Variants in UBE2R2 observed in about 807,000 individuals in gnomAD.
UBE2R2 encodes the protein ubiquitin conjugating enzyme E2 R2.
Under a neutral mutation model 27.8 loss-of-function variants are expected in UBE2R2, and 1 was observed. That is an observed-to-expected ratio of 0.04 (90% CI 0.01 to 0.17). The LOEUF (loss-of-function observed/expected upper bound fraction) is 0.17. Ranked by LOEUF, UBE2R2 falls within the 10% of genes least tolerant of loss-of-function variation. The pLI, the probability that UBE2R2 is intolerant of heterozygous loss-of-function variation, is 1.00. For synonymous variants in UBE2R2, 106 were observed against 113.3 expected (o/e 0.94, Z 0.41); for missense variants, 100 against 291.0 (o/e 0.34, Z 4.78).
At chr9:33,831,560 G>C (rs1027637025) in intron 1 of UBE2R2, among the ~76,000 whole-genome samples, 1 of 152,120 alleles carries the variant, frequency 6.6e-6, no homozygotes, top group Non-Finnish European at 1.5e-5. Context: ...GGGATTATAG[G>C]CATGCATCAC....
intron 3 of UBE2R2, among the ~76,000 whole-genome samples, chr9:33,907,834 TTG>T: frequency 7.2e-6 from 1 of 139,260 alleles, no homozygotes; most frequent in South Asian, 2.6e-4. Context: ...TGTTTTGTTG[TTG>T]TTTTTTTTTA....
chr9:33,850,999 A>G (rs772901227), intron 1 of UBE2R2, among the ~76,000 whole-genome samples: 1 of 152,220 alleles, frequency 6.6e-6, no homozygotes. Context: ...CTTCTCATTA[A>G]TACTTCTTAA....
intron 1 of UBE2R2, among the ~76,000 whole-genome samples, chr9:33,872,596 G>A (rs565025354): frequency 6.6e-6 from 1 of 152,140 alleles, no homozygotes; most frequent in East Asian, 1.9e-4. Context: ...AGACCAACCT[G>A]ACCAACATGG....
chr9:33,884,976 G>A (rs752275493), intron 1 of UBE2R2, among the ~76,000 whole-genome samples: 1 of 152,158 alleles, frequency 6.6e-6, no homozygotes, highest in Non-Finnish European at 1.5e-5. Flanking sequence ...TTATTGTTAT[G>A]TGTGGCCAGT....
chr9:33,913,565 A>AC (rs1273242374), intron 4 of UBE2R2, among the ~76,000 whole-genome samples: 1 of 151,766 alleles, frequency 6.6e-6, no homozygotes, highest in Non-Finnish European at 1.5e-5. Context: ...CCTGGCCTCC[A>AC]CCCCCCTTGA....
chr9:33,884,645 T>C (rs1328192805), intron 1 of UBE2R2, among the ~76,000 whole-genome samples: 1 of 152,250 alleles, frequency 6.6e-6, no homozygotes, highest in Non-Finnish European at 1.5e-5. Flanking sequence ...ATTCTCATGC[T>C]TTCCTTTAAG....
chr9:33,900,525 C>T (rs1026496008), intron 3 of UBE2R2, among the ~76,000 whole-genome samples: 1 of 152,176 alleles, frequency 6.6e-6, no homozygotes, highest in Non-Finnish European at 1.5e-5. Context: ...AATCCCTACT[C>T]TTAACTTATC....
At chr9:33,852,724 T>A (rs902793373) in intron 1 of UBE2R2, among the ~76,000 whole-genome samples, 2 of 151,980 alleles carry the variant, frequency 1.3e-5, no homozygotes, top group African/African-American at 4.8e-5. Context: ...GTTTTCTTCA[T>A]ATTAACAAGT....
rs541354260 is a variant in UBE2R2 at position 33,817,732 on chromosome 9, GCGCCGC to G, written c.-7_-2del. On this transcript the variant is annotated 5_prime_UTR_variant, in exon 1 of 5. Coordinates refer to ENST00000263228, the MANE Select transcript of UBE2R2 (RefSeq NM_017811.4). ...GCGTGAGGACTGGGGCCCGGGCCCG[GCGCCGC>G]CGCCGCCGCCGCCGCCGCGATGGCC... 589 of 1,488,762 alleles carry G rather than the reference GCGCCGC, an allele frequency of 4.0e-4. 5 individuals carry two copies. In the African/African-American group the frequency reaches 4.2e-3, roughly 11 times the overall value. The allele number at this position is 1,488,762 out of a possible 1,614,324, so 92.2% of individuals were successfully genotyped here.
intron 1 of UBE2R2, among the ~76,000 whole-genome samples, chr9:33,866,013 G>T (rs777528564): frequency 6.6e-6 from 1 of 151,486 alleles, no homozygotes; most frequent in East Asian, 1.9e-4. Flanking sequence ...TGAATTTTTA[G>T]TACAGATGGG....
At chr9:33,861,788 A>G (rs1436730573) in intron 1 of UBE2R2, among the ~76,000 whole-genome samples, 1 of 151,342 alleles carries the variant, frequency 6.6e-6, no homozygotes, top group Admixed American at 6.6e-5. Context: ...AAATCTTTTC[A>G]GTCTGTTGTT....
At chr9:33,864,316 T>C (rs996596980) in intron 1 of UBE2R2, among the ~76,000 whole-genome samples, 25 of 152,122 alleles carry the variant, frequency 1.6e-4, no homozygotes, top group Non-Finnish European at 3.5e-4. Context: ...TTACCCAGGA[T>C]GTCTTATCCT....
At chr9:33,851,159 T>TA (rs1484165544) in intron 1 of UBE2R2, among the ~76,000 whole-genome samples, 7 of 152,210 alleles carry the variant, frequency 4.6e-5, no homozygotes, top group Non-Finnish European at 1.0e-4. Context: ...GCACTCTTTT[T>TA]AAAAACAATT....
At chr9:33,863,386 C>A (rs761078962) in intron 1 of UBE2R2, among the ~76,000 whole-genome samples, 2 of 151,332 alleles carry the variant, frequency 1.3e-5, no homozygotes, top group African/African-American at 2.4e-5. Flanking sequence ...GTGGTGCGTG[C>A]CTGTAATCCC....
In UBE2R2 at chr9:33,917,721, A is replaced by C; in HGVS notation, c.*484A>C. 5.6e-6 allele frequency: 1 copy of C among 179,884 alleles called. No individual in the cohort carries two copies. The highest frequency in any genetic ancestry group is 1.2e-5 in the Non-Finnish European group (1 of 85,940). The allele number at this position is 179,884 out of a possible 1,614,324, so 11.1% of individuals were successfully genotyped here. ...AAACTTTAAAAAAAAAAAAAAACAAATTTGCCAAGGTTTAGCTGCTCATTT... is the reference window on the plus strand; with the variant it reads ...AAACTTTAAAAAAAAAAAAAAACAACTTTGCCAAGGTTTAGCTGCTCATTT... On this transcript the variant is annotated 3_prime_UTR_variant, in exon 5 of 5. Transcript: ENST00000263228.
intron 1 of UBE2R2, among the ~76,000 whole-genome samples, chr9:33,826,712 C>CA (rs1370584545): frequency 6.1e-5 from 9 of 148,126 alleles, no homozygotes; most frequent in Admixed American, 2.0e-4. Flanking sequence ...CCGCCCCCTC[C>CA]AAAAAAAAAG....
chr9:33,822,560 G>A (rs774994640), intron 1 of UBE2R2, among the ~76,000 whole-genome samples: 7 of 151,146 alleles, frequency 4.6e-5, no homozygotes, highest in Non-Finnish European at 1.0e-4. Flanking sequence ...CTGAGTAGCT[G>A]GGACTGCAGG....
rs1825815458 is a variant in UBE2R2 at position 33,817,405 on chromosome 9, G to GCCGCCTTCCT, written c.-348_-339dup. On this transcript the variant is annotated 5_prime_UTR_variant, in exon 1 of 5. Coordinates refer to ENST00000263228, the MANE Select transcript of UBE2R2 (RefSeq NM_017811.4). The stretch of plus-strand genomic sequence containing the variant: ...CTCCCTTCACCATCGCCGGCCCTCC[G>GCCGCCTTCCT]CCGCCTTCCTCCGCTTCCACCTCCT... Among the ~76,000 whole-genome samples, 2 of 147,638 alleles carry GCCGCCTTCCT rather than the reference G, an allele frequency of 1.4e-5. No homozygotes were observed. The highest frequency in any genetic ancestry group is 1.3e-4 in the Admixed American group (2 of 14,982).
At chr9:33,856,962 T>A (rs2130761545) in intron 1 of UBE2R2, among the ~76,000 whole-genome samples, 1 of 141,354 alleles carries the variant, frequency 7.1e-6, no homozygotes, top group Non-Finnish European at 1.5e-5. Flanking sequence ...AGTGGCTCAA[T>A]CTCGGCTCAC....
Sources: gnomAD v4.1 joint callset for allele counts (sites outside exome capture counted in the v4.1 genomes callset) on GRCh38, gnomAD v4.1.1 for gene constraint, MANE v1.5 for transcripts, NCBI Gene and HGNC (gene_info 2026-07-23, HGNC 2026-07-21) for gene names.